Variants in DENND5B observed in about 807,000 individuals in gnomAD.
DENND5B encodes DENN domain containing 5B.
DENND5B carries 34 observed loss-of-function variants against 140.6 expected under a neutral mutation model. The ratio of observed to expected loss-of-function variants is 0.24; its 90% confidence interval spans 0.18 to 0.32. The LOEUF (loss-of-function observed/expected upper bound fraction) is 0.32. Ranked by LOEUF, DENND5B falls within the 10% of genes least tolerant of loss-of-function variation. The pLI, the probability that DENND5B is intolerant of heterozygous loss-of-function variation, is 1.00. For missense variants in DENND5B, 1,142 were observed against 1,560.2 expected, an observed-to-expected ratio of 0.73 and a Z score of 4.52; for synonymous variants, 551 against 562.1, an observed-to-expected ratio of 0.98 and a Z score of 0.28.
rs1199755024 is a variant in DENND5B, at chr12:31,495,926, C to T, written c.128-7G>A. ...CTCTGGTCAAAATTTTCGCCTACAA[C>T]AAATAATACATAGTTAATATCTAGA... On this transcript the variant is annotated splice_region_variant and splice_polypyrimidine_tract_variant and intron_variant, in intron 1 of 20. Coordinates refer to ENST00000389082, the MANE Select transcript of DENND5B (RefSeq NM_144973.4). 2 of 1,576,608 alleles carry T rather than the reference C, an allele frequency of 1.3e-6. No individual in the cohort carries two copies. The highest frequency in any genetic ancestry group is 1.1e-5 in the South Asian group (1 of 87,386).
At chr12:31,548,589 AAAC>A (rs1313432229) in intron 1 of DENND5B, among the ~76,000 whole-genome samples, 7 of 152,180 alleles carry the variant, frequency 4.6e-5, no homozygotes, top group Non-Finnish European at 7.3e-5. Flanking sequence ...TCGTTTTGTC[AAAC>A]AACAATAAAT....
At chr12:31,521,048 T>C (rs1198507701) in intron 1 of DENND5B, among the ~76,000 whole-genome samples, 1 of 152,074 alleles carries the variant, frequency 6.6e-6, no homozygotes, top group Non-Finnish European at 1.5e-5. Flanking sequence ...TCAAGTCACA[T>C]GTGGCTAAGT....
At chr12:31,578,735 C>T (rs1950107835) in intron 1 of DENND5B, among the ~76,000 whole-genome samples, 1 of 152,036 alleles carries the variant, frequency 6.6e-6, no homozygotes, top group South Asian at 2.1e-4. Flanking sequence ...GTGTCACCAC[C>T]CAGCAGTTGA....
Position 31,442,785 on chromosome 12 carries a change from T to C in DENND5B, c.2002A>G (p.Thr668Ala), listed in dbSNP as rs747521870. ...LQSDVLATGP[T>A]SNNRWVSRSA... ...GAAGAACATGCTTACTTGTTACTGG[T>C]TGGTCCTGTTGCCAAGACATCGGAC... The change falls in exon 7 of 21, where the codon ACC becomes GCC. Residue 668 changes from threonine to alanine, a missense_variant. Physicochemically the swap from Thr to Ala is moderately conservative, Grantham distance 58 (BLOSUM62 0). Around this residue, in one of 5 missense-constraint regions of DENND5B, gnomAD observed 708 missense variants for 905.5 expected, o/e 0.78. Coordinates refer to ENST00000389082, the MANE Select transcript of DENND5B (RefSeq NM_144973.4). 3 of 1,613,418 alleles carry C rather than the reference T, an allele frequency of 1.9e-6. No homozygotes were observed. Among genetic ancestry groups the C allele is most frequent in the South Asian group, 1.1e-5 (1 of 90,882 alleles).
chr12:31,427,846 T>C (rs1458314458), intron 8 of DENND5B, among the ~76,000 whole-genome samples: 2 of 152,116 alleles, frequency 1.3e-5, no homozygotes, highest in Non-Finnish European at 2.9e-5. Flanking sequence ...AGAGGAGAGC[T>C]TGATATTATA....
chr12:31,416,325 G>A lies in DENND5B; in HGVS notation c.2471-877C>T, dbSNP rs556086807. Among the ~76,000 whole-genome samples the A allele has an allele frequency of 2.9e-4, 44 of 151,284 alleles. No homozygotes were observed. The South Asian group carries it at 8.8e-3, about 30-fold the overall frequency. On this transcript the variant is annotated intron_variant, in intron 11 of 20. Coordinates refer to ENST00000389082, the MANE Select transcript of DENND5B (RefSeq NM_144973.4). ...TGTTGCCAGGCTGAAGTGCAGTGGC[G>A]TGATCTTGGCTCACTGCAACCTCCG...
In DENND5B at chr12:31,423,663, A is replaced by C. The variant is rs1943121533; in HGVS notation, c.2404T>G (p.Leu802Val). 1.2e-6 allele frequency: 2 copies of C among 1,613,802 alleles called. No individual in the cohort carries two copies. Among genetic ancestry groups the C allele is most frequent in the African/African-American group, 2.7e-5 (2 of 74,944 alleles). Residue 802 changes from leucine to valine, a missense_variant, in exon 11 of 21, where the codon TTG becomes GTG. Physicochemically the swap from Leu to Val is conservative, Grantham distance 32 (BLOSUM62 1). This residue lies in a region of DENND5B where 33 missense variants were observed against 90.8 expected (regional missense o/e 0.36). Transcript: ENST00000389082. ...GLQVKQGKSA[L>V]WSHLIQFQDR... ...TGAAATTGAATTAAATGTGACCACA[A>C]AGCCGACTTCCCCTGAAAGTACAAG...
intron 1 of DENND5B, among the ~76,000 whole-genome samples, chr12:31,517,338 C>T (rs1045496895): frequency 6.6e-5 from 10 of 152,206 alleles, no homozygotes; most frequent in Non-Finnish European, 1.0e-4. Context: ...CTCTATCCTG[C>T]GCTTAAAGCG....
At chr12:31,567,489 T>C (rs985886111) in intron 1 of DENND5B, among the ~76,000 whole-genome samples, 1 of 139,206 alleles carries the variant, frequency 7.2e-6, no homozygotes, top group Non-Finnish European at 1.5e-5. Context: ...ATCGTGCCAC[T>C]GCACTCCAGC....
At chr12:31,404,744 G>A (rs375223360) in intron 14 of DENND5B, among the ~76,000 whole-genome samples, 73 of 124,844 alleles carry the variant, frequency 5.8e-4, no homozygotes, top group African/African-American at 1.9e-3. Context: ...ATAAGCCACC[G>A]CGTCCGACCT....
intron 1 of DENND5B, among the ~76,000 whole-genome samples, chr12:31,576,717 T>C (rs1950029754): frequency 6.6e-6 from 1 of 150,826 alleles, no homozygotes; most frequent in African/African-American, 2.4e-5. Flanking sequence ...AACCCATCTC[T>C]ACAAAAAAAA....
intron 7 of DENND5B, among the ~76,000 whole-genome samples, chr12:31,439,857 G>T (rs1943948324): frequency 6.8e-6 from 1 of 146,588 alleles, no homozygotes; most frequent in African/African-American, 2.5e-5. Context: ...TTGAACCTGG[G>T]AGGTGGAGGT....
chr12:31,481,096 T>A (rs542546177), intron 2 of DENND5B, among the ~76,000 whole-genome samples: 1 of 152,334 alleles, frequency 6.6e-6, no homozygotes, highest in East Asian at 1.9e-4. Flanking sequence ...GAACTTGTAA[T>A]TCAACCATCC....
chr12:31,434,451 C>T (rs1943650394), intron 7 of DENND5B, among the ~76,000 whole-genome samples: 1 of 152,124 alleles, frequency 6.6e-6, no homozygotes, highest in Non-Finnish European at 1.5e-5. Flanking sequence ...ATGTAAGTTG[C>T]CTTCCAGCTC....
rs1283604837 is a variant in DENND5B at position 31,590,961 on chromosome 12, G to A, written c.-129C>T. ...GCGACACTGGCGCGCCCATGGCCGC[G>A]CAGCCGCCTCTCGCCGCCGCAGCCT... On this transcript the variant is annotated 5_prime_UTR_variant, in exon 1 of 21. Coordinates refer to ENST00000389082, the MANE Select transcript of DENND5B (RefSeq NM_144973.4). 4 of 1,031,790 alleles carry A rather than the reference G, an allele frequency of 3.9e-6. No homozygotes were observed. Among genetic ancestry groups the A allele is most frequent in the Non-Finnish European group, 4.7e-6 (4 of 844,852 alleles). 63.9% of individuals were successfully genotyped at this position (1,031,790 alleles called of 1,614,324 possible). A position where few individuals can be genotyped will look rare whatever the true frequency, so the allele number is the denominator to read the frequency against.
chr12:31,417,356 CAAA>C (rs767142927), intron 11 of DENND5B, among the ~76,000 whole-genome samples: 4 of 40,080 alleles, frequency 1.0e-4, no homozygotes, highest in African/African-American at 2.6e-4. Flanking sequence ...GACTCTGTCT[CAAA>C]AAAAAAAAAA....
chr12:31,412,736 C>T (rs1942529490), intron 13 of DENND5B, among the ~76,000 whole-genome samples: 1 of 152,188 alleles, frequency 6.6e-6, no homozygotes, highest in Non-Finnish European at 1.5e-5. Flanking sequence ...CTGGGACCTC[C>T]TCACAGAACT....
chr12:31,411,549 T>C (rs1298185020), intron 13 of DENND5B, among the ~76,000 whole-genome samples: 1 of 151,710 alleles, frequency 6.6e-6, no homozygotes, highest in Admixed American at 6.6e-5. Flanking sequence ...TTCACCATGT[T>C]AGCCAGGATG....
Position 31,438,005 on chromosome 12 carries a change from G to A in DENND5B, c.2013-4757C>T, listed in dbSNP as rs182401627. Among the ~76,000 whole-genome samples, 636 of 152,162 alleles carry A rather than the reference G, an allele frequency of 4.2e-3. 5 individuals carry two copies. The highest frequency in any genetic ancestry group is 0.014 in the African/African-American group (578 of 41,514). On this transcript the variant is annotated intron_variant, in intron 7 of 20. Coordinates refer to ENST00000389082, the MANE Select transcript of DENND5B (RefSeq NM_144973.4). ...TCCAGATTTTTTCTTTTTTTGAGACGAAGTCTCACTCTGTCACCCAAGCTG... is the reference window on the plus strand; with the variant it reads ...TCCAGATTTTTTCTTTTTTTGAGACAAAGTCTCACTCTGTCACCCAAGCTG...
Sources: gnomAD v4.1 joint callset for allele counts (sites outside exome capture counted in the v4.1 genomes callset) on GRCh38, gnomAD v4.1.1 for gene constraint, gnomAD v4.1.1 regional missense constraint, MANE v1.5 for transcripts, NCBI Gene and HGNC (gene_info 2026-07-23, HGNC 2026-07-21) for gene names.